HDAC8: variants seen among roughly 807,000 people sequenced by gnomAD.
HDAC8 encodes histone deacetylase 8.
Under a neutral mutation model 32.2 loss-of-function variants are expected in HDAC8, and 1 was observed. The ratio of observed to expected loss-of-function variants is 0.03; its 90% confidence interval spans 0.01 to 0.15. The LOEUF (loss-of-function observed/expected upper bound fraction) is 0.15, where lower values mean the gene tolerates loss of function less well. Among genes scored for constraint, HDAC8 ranks in the 10% least tolerant of loss-of-function variants. The pLI, the probability that HDAC8 is intolerant of heterozygous loss-of-function variation, is 1.00. For synonymous variants in HDAC8, 108 were observed against 113.9 expected (o/e 0.95, Z 0.33); for missense variants, 117 against 300.0 (o/e 0.39, Z 4.51).
At chrX:72,443,493 C>A (rs1261314937) in intron 9 of HDAC8, among the ~76,000 whole-genome samples, 45 of 111,368 alleles carry the variant, frequency 4.0e-4, no homozygotes, top group African/African-American at 1.3e-3. Context: ...CCAAGGAGAA[C>A]AGAGACACAA....
At chrX:72,532,554 C>T (rs1453560464) in intron 4 of HDAC8, among the ~76,000 whole-genome samples, 2 of 102,814 alleles carry the variant, frequency 1.9e-5, no homozygotes, top group Non-Finnish European at 3.9e-5. Context: ...TATCATAGCA[C>T]GCTGTAACCT....
intron 4 of HDAC8, among the ~76,000 whole-genome samples, chrX:72,516,806 G>A (rs1378831679): frequency 4.5e-5 from 5 of 111,775 alleles, no homozygotes; most frequent in Non-Finnish European, 7.5e-5. Context: ...AAATTCCGTC[G>A]CATTTAGAAT....
Position 72,497,353 on chromosome X carries a change from T to C in HDAC8, c.438-2085A>G, listed in dbSNP as rs58881171. 3.7e-4 allele frequency among the ~76,000 whole-genome samples: 41 copies of C among 111,789 alleles called. No individual in the cohort carries two copies. The East Asian group carries it at 9.5e-3, about 26-fold the overall frequency. ...TAGAAATAATAAGTGTTTAGATAAA[T>C]AGAATATTCCTAAAATCCCCAGAAA... On this transcript the variant is annotated intron_variant, in intron 4 of 10. Transcript: ENST00000373573.
intron 9 of HDAC8, among the ~76,000 whole-genome samples, chrX:72,360,648 C>T (rs919637817): frequency 1.8e-5 from 2 of 111,666 alleles, no homozygotes; most frequent in Non-Finnish European, 3.8e-5. Context: ...CAGAATAACA[C>T]GGCACCAGCA....
intron 9 of HDAC8, among the ~76,000 whole-genome samples, chrX:72,388,208 G>T (rs1418844176): frequency 9.0e-6 from 1 of 110,614 alleles, no homozygotes; most frequent in Non-Finnish European, 1.9e-5. Flanking sequence ...GGGAGGGTGT[G>T]TGTGTGTGTG....
At chrX:72,530,880 A>G (rs2050314939) in intron 4 of HDAC8, among the ~76,000 whole-genome samples, 1 of 112,488 alleles carries the variant, frequency 8.9e-6, no homozygotes, top group African/African-American at 3.2e-5. Flanking sequence ...GATATGCTAG[A>G]GGCAAAAACA....
At chrX:72,553,944 CTTGT>C (rs1217733665) in intron 4 of HDAC8, among the ~76,000 whole-genome samples, 1 of 111,774 alleles carries the variant, frequency 8.9e-6, no homozygotes, top group Non-Finnish European at 1.9e-5. Flanking sequence ...TTTTTTCATG[CTTGT>C]TTAATGTTTC....
At chrX:72,566,269 G>A (rs1328191037) in intron 4 of HDAC8, among the ~76,000 whole-genome samples, 2 of 111,556 alleles carry the variant, frequency 1.8e-5, no homozygotes, top group Non-Finnish European at 3.8e-5. Context: ...GATCAGCCTG[G>A]GCAACATAGG....
At chrX:72,375,744 T>A (rs1482404988) in intron 9 of HDAC8, among the ~76,000 whole-genome samples, 2 of 111,701 alleles carry the variant, frequency 1.8e-5, no homozygotes, top group African/African-American at 6.5e-5. Context: ...CAAATGGTAA[T>A]CTCTTCTGGA....
intron 9 of HDAC8, among the ~76,000 whole-genome samples, chrX:72,451,399 G>A (rs1263659182): frequency 8.9e-6 from 1 of 111,842 alleles, no homozygotes; most frequent in African/African-American, 3.3e-5. Flanking sequence ...GTTTCACCAT[G>A]TTGGCCAGGC....
chrX:72,330,396 A>G (rs1397825161), intron 10 of HDAC8, among the ~76,000 whole-genome samples: 1 of 111,570 alleles, frequency 9.0e-6, no homozygotes, highest in Non-Finnish European at 1.9e-5. Flanking sequence ...ACTCAGCTCA[A>G]TTGCCAATCT....
chrX:72,405,753 CT>C (rs2046019612), intron 9 of HDAC8, among the ~76,000 whole-genome samples: 2 of 112,001 alleles, frequency 1.8e-5, no homozygotes, highest in African/African-American at 6.5e-5. Flanking sequence ...TTTTTCATCT[CT>C]TTGTACCTCT....
At chrX:72,341,408 T>C (rs2043884418) in intron 10 of HDAC8, among the ~76,000 whole-genome samples, 1 of 112,112 alleles carries the variant, frequency 8.9e-6, no homozygotes, top group African/African-American at 3.2e-5. Flanking sequence ...ACCACCACTA[T>C]CACCAAATGA....
At chrX:72,534,315 A>T (rs201449402) in intron 4 of HDAC8, among the ~76,000 whole-genome samples, 12,297 of 93,845 alleles carry the variant, frequency 0.13, 808 homozygotes, top group Non-Finnish European at 0.16. Flanking sequence ...ATATATATAT[A>T]TTTTTTTTTT....
At chrX:72,336,232 T>C (rs1273775473) in intron 10 of HDAC8, among the ~76,000 whole-genome samples, 2 of 112,242 alleles carry the variant, frequency 1.8e-5, no homozygotes, top group African/African-American at 6.5e-5. Flanking sequence ...AATAGATATG[T>C]AATGGTATCT....
intron 10 of HDAC8, among the ~76,000 whole-genome samples, chrX:72,344,068 A>C (rs1555946042): frequency 9.0e-6 from 1 of 111,487 alleles, no homozygotes; most frequent in African/African-American, 3.3e-5. Flanking sequence ...TCTATTGGAG[A>C]GCCTGAATTC....
At chrX:72,348,897 G>T (rs1361624119) in intron 10 of HDAC8, among the ~76,000 whole-genome samples, 1 of 111,352 alleles carries the variant, frequency 9.0e-6, no homozygotes, top group African/African-American at 3.3e-5. Flanking sequence ...AGAATCTTAG[G>T]GTTGGAAGGA....
chrX:72,446,827 A>G (rs1555985087), intron 9 of HDAC8, among the ~76,000 whole-genome samples: 2 of 111,954 alleles, frequency 1.8e-5, no homozygotes, highest in Non-Finnish European at 3.8e-5. Context: ...CGAATAAATT[A>G]GAAAATCTAG....
At chrX:72,459,341 T>C (rs1480538130) in intron 9 of HDAC8, among the ~76,000 whole-genome samples, 1 of 110,935 alleles carries the variant, frequency 9.0e-6, no homozygotes, top group Non-Finnish European at 1.9e-5. Context: ...TGTATTTAGG[T>C]AAGGGTTTTT....
Sources: gnomAD v4.1 joint callset for allele counts (sites outside exome capture counted in the v4.1 genomes callset) on GRCh38, gnomAD v4.1.1 for gene constraint, MANE v1.5 for transcripts, NCBI Gene and HGNC (gene_info 2026-07-23, HGNC 2026-07-21) for gene names.